CFAP20DC: variants seen among roughly 807,000 people sequenced by gnomAD.
The protein encoded by CFAP20DC is protein CFAP20DC.
CFAP20DC carries 84 observed loss-of-function variants against 101.7 expected under a neutral mutation model. The ratio of observed to expected loss-of-function variants is 0.83; its 90% CI spans 0.69 to 0.99. CFAP20DC has a LOEUF of 0.99. Ranked by LOEUF, CFAP20DC falls within the 50% of genes least tolerant of loss-of-function variation. CFAP20DC has a pLI of 0.00. For synonymous variants in CFAP20DC, 359 were observed against 351.2 expected, an observed-to-expected ratio of 1.02 and a Z score of -0.25; for missense variants, 1,007 against 970.3, an observed-to-expected ratio of 1.04 and a Z score of -0.50.
chr3:58,801,726 G>T (rs1354975206), intron 15 of CFAP20DC, among the ~76,000 whole-genome samples: 1 of 152,132 alleles, frequency 6.6e-6, no homozygotes, highest in Non-Finnish European at 1.5e-5. Context: ...GAGCCAGCGG[G>T]AACTGAGGTC....
chr3:58,733,432 C>T (rs1351702542), intron 3 of CFAP20DC, among the ~76,000 whole-genome samples: 2 of 152,030 alleles, frequency 1.3e-5, no homozygotes, highest in African/African-American at 2.4e-5. Flanking sequence ...TCGTCATATA[C>T]TCTGAGGGAA....
chr3:58,952,223 C>G (rs771555318), intron 4 of CFAP20DC, among the ~76,000 whole-genome samples: 26 of 152,090 alleles, frequency 1.7e-4, no homozygotes, highest in Non-Finnish European at 3.8e-4. Context: ...GTTTCATGTT[C>G]CAGTGGTTTC....
intron 15 of CFAP20DC, among the ~76,000 whole-genome samples, chr3:58,765,039 G>A (rs2070137334): frequency 6.6e-6 from 1 of 152,020 alleles, no homozygotes; most frequent in African/African-American, 2.4e-5. Flanking sequence ...CTAAAATCTT[G>A]GCCGTAAAGG....
chr3:58,934,327 G>A (rs1322633997), intron 5 of CFAP20DC, among the ~76,000 whole-genome samples: 13 of 152,052 alleles, frequency 8.5e-5, no homozygotes, highest in South Asian at 2.1e-4. Flanking sequence ...ACTCACAGCC[G>A]AATTCTACCA....
At chr3:58,946,304 G>C (rs889880340) in intron 4 of CFAP20DC, among the ~76,000 whole-genome samples, 1 of 150,904 alleles carries the variant, frequency 6.6e-6, no homozygotes, top group African/African-American at 2.4e-5. Context: ...TTTTAGTAGA[G>C]ACAGGTTTCA....
chr3:59,016,239 C>T (rs548583570), intron 4 of CFAP20DC, among the ~76,000 whole-genome samples: 18 of 152,096 alleles, frequency 1.2e-4, no homozygotes, highest in African/African-American at 4.3e-4. Flanking sequence ...ATGGATGAGG[C>T]TGGAGGATAT....
intron 14 of CFAP20DC, among the ~76,000 whole-genome samples, chr3:58,817,037 C>T (rs1458309848): frequency 6.6e-6 from 1 of 152,120 alleles, no homozygotes; most frequent in East Asian, 1.9e-4. Flanking sequence ...CACACTGACA[C>T]CTCACACGGC....
intron 16 of CFAP20DC, among the ~76,000 whole-genome samples, chr3:58,751,840 A>AACACACACACAC (rs58961774): frequency 0.013 from 1,827 of 140,722 alleles, 50 homozygotes; most frequent in African/African-American, 0.049. Flanking sequence ...CCTCAGCTGT[A>AACACACACACAC]ACACACACAC....
chr3:58,858,201 T>C (rs917858596), intron 12 of CFAP20DC, among the ~76,000 whole-genome samples: 2 of 152,210 alleles, frequency 1.3e-5, no homozygotes, highest in Non-Finnish European at 2.9e-5. Context: ...TAATATGTTT[T>C]TTTAAAGTCC....
chr3:58,789,237 C>T (rs1188376685), intron 15 of CFAP20DC, among the ~76,000 whole-genome samples: 1 of 152,116 alleles, frequency 6.6e-6, no homozygotes, highest in Non-Finnish European at 1.5e-5. Context: ...CCTTTTCTAA[C>T]TTTAACGAGA....
At chr3:58,765,506 A>C (rs1315487185) in intron 15 of CFAP20DC, among the ~76,000 whole-genome samples, 1 of 151,100 alleles carries the variant, frequency 6.6e-6, no homozygotes, top group Non-Finnish European at 1.5e-5. Flanking sequence ...AAAAAAAAAA[A>C]ACAAACAGAA....
At chr3:58,759,627 G>A (rs1158524950) in intron 15 of CFAP20DC, among the ~76,000 whole-genome samples, 1 of 152,106 alleles carries the variant, frequency 6.6e-6, no homozygotes, top group Non-Finnish European at 1.5e-5. Context: ...TGTCCTGGAT[G>A]GTATTGCCTA....
At chr3:59,031,874 A>T (rs1373132608) in intron 4 of CFAP20DC, among the ~76,000 whole-genome samples, 1 of 152,232 alleles carries the variant, frequency 6.6e-6, no homozygotes, top group Non-Finnish European at 1.5e-5. Context: ...TAGTAAAAGT[A>T]GTATAAAATC....
At chr3:58,924,918 G>A (rs981587564) in intron 5 of CFAP20DC, among the ~76,000 whole-genome samples, 1 of 151,680 alleles carries the variant, frequency 6.6e-6, no homozygotes, top group Admixed American at 6.6e-5. Flanking sequence ...ACTTTTTAAT[G>A]GGGTTATTTG....
chr3:58,999,431 G>A (rs2093241430), intron 4 of CFAP20DC, among the ~76,000 whole-genome samples: 1 of 152,170 alleles, frequency 6.6e-6, no homozygotes. Flanking sequence ...GACCTTCACT[G>A]ACTATCTGAA....
At chr3:58,996,152 A>G (rs1238908824) in intron 4 of CFAP20DC, among the ~76,000 whole-genome samples, 2 of 152,218 alleles carry the variant, frequency 1.3e-5, no homozygotes, top group South Asian at 2.1e-4. Flanking sequence ...TAACAACACC[A>G]TAATTGGGTT....
At chr3:59,022,900 C>T (rs1419595084) in intron 4 of CFAP20DC, among the ~76,000 whole-genome samples, 1 of 152,050 alleles carries the variant, frequency 6.6e-6, no homozygotes, top group East Asian at 1.9e-4. Context: ...AAAACATTTA[C>T]TTGAATATAT....
At chr3:58,833,826 A>G (rs769744521) in intron 13 of CFAP20DC, among the ~76,000 whole-genome samples, 2 of 152,224 alleles carry the variant, frequency 1.3e-5, no homozygotes, top group Non-Finnish European at 1.5e-5. Context: ...CCAAGTGTCT[A>G]TCAACTGATG....
chr3:58,929,680 C>G (rs1327341473), intron 5 of CFAP20DC, among the ~76,000 whole-genome samples: 1 of 152,264 alleles, frequency 6.6e-6, no homozygotes, highest in East Asian at 1.9e-4. Flanking sequence ...CTGCCAATCT[C>G]CAAAGTTATA....
Sources: allele counts gnomAD v4.1 joint callset (sites outside exome capture counted in the v4.1 genomes callset), GRCh38; gene constraint gnomAD v4.1.1; transcripts MANE v1.5; gene names NCBI Gene and HGNC (gene_info 2026-07-23, HGNC 2026-07-21).